The following BBOF1 variants were observed in gnomAD, a reference collection of about 807,000 sequenced individuals.
BBOF1 encodes the protein basal body-orientation factor 1.
Under a neutral mutation model 68.0 loss-of-function variants are expected in BBOF1, and 62 were observed. The ratio of observed to expected loss-of-function variants is 0.91; its 90% confidence interval spans 0.74 to 1.13. BBOF1 has a LOEUF of 1.13. Ranked by LOEUF, BBOF1 falls within the 50% of genes most tolerant of loss-of-function variation. The probability of loss-of-function intolerance (pLI) is 0.00; values close to 1 mark genes in which losing one functional copy is unlikely to be tolerated. For synonymous variants in BBOF1, 208 were observed against 198.8 expected (o/e 1.05, Z -0.39); for missense variants, 534 against 600.1 (o/e 0.89, Z 1.15).
downstream of BBOF1, among the ~76,000 whole-genome samples, chr14:74,069,815 A>C (rs1487636168): frequency 2.2e-5 from 3 of 139,518 alleles, no homozygotes; most frequent in Non-Finnish European, 3.1e-5. Context: ...GATTTTTCTC[A>C]TTTGCTATTC....
Position 74,072,077 on chromosome 14 carries a change from G to T in BBOF1, n.1380-6119G>T, listed in dbSNP as rs892300864. 19 of 1,563,482 alleles carry T rather than the reference G, an allele frequency of 1.2e-5. No homozygotes were observed. The South Asian group carries it at 2.1e-4, about 17-fold the overall frequency. ...AGACTGGAGGAGATGCAGTACAAGG[G>T]AGAGAGTCATGATCAACGTCTCTGC... On this transcript the variant is annotated intron_variant and non_coding_transcript_variant, in intron 9 of 12. Transcript: ENST00000492026.
rs773289178 is a variant in BBOF1 at position 74,056,996 on chromosome 14, C to A, written c.1463+16C>A. The A allele has an allele frequency of 3.8e-5, 61 of 1,606,410 alleles. No individual in the cohort carries two copies. In the Admixed American group the frequency reaches 1.0e-3, roughly 27 times the overall value. ...AGGAATTTGGGTAAGAGCTCTCTTG[C>A]TTAAGTAATAAACATGAGCCCAACA... On this transcript the variant is annotated intron_variant, in intron 10 of 11. Transcript: ENST00000394009.
rs897020921 is a variant in BBOF1, at chr14:74,065,657, C to T, written c.*958C>T. 20 of 338,420 alleles carry T rather than the reference C, an allele frequency of 5.9e-5. No individual in the cohort carries two copies. The highest frequency in any genetic ancestry group is 1.9e-4 in the East Asian group (3 of 15,838). The allele number at this position is 338,420 out of a possible 1,614,324, so 21.0% of individuals were successfully genotyped here. On this transcript the variant is annotated 3_prime_UTR_variant, in exon 12 of 12. Transcript: ENST00000394009. ...ATCAGCTGCCTTTTTAATACCTGAA[C>T]GACTAGTTTCATCCAATTGTTATCA...
intron 8 of BBOF1, among the ~76,000 whole-genome samples, chr14:74,052,462 T>G (rs1164118135): frequency 6.6e-6 from 1 of 150,826 alleles, no homozygotes; most frequent in Non-Finnish European, 1.5e-5. Context: ...CTGGCCAAGT[T>G]GCTGAAACCC....
intron 8 of BBOF1, chr14:74,055,274 G>A (rs1273494679): frequency 3.1e-5 from 8 of 258,574 alleles, no homozygotes; most frequent in South Asian, 1.9e-4. Context: ...TCAGCCTCCC[G>A]AGTAGCTGGG....
At chr14:74,058,084 T>C in intron 11 of BBOF1, 1 of 214,816 alleles carries the variant, frequency 4.7e-6, no homozygotes, top group Non-Finnish European at 8.0e-6. Flanking sequence ...TCCCAGCACT[T>C]TGGGAGGCCG....
intron 1 of BBOF1, among the ~76,000 whole-genome samples, 184 bp downstream of exon 1, chr14:74,019,718 C>T (rs1163318648): frequency 6.6e-6 from 1 of 152,202 alleles, no homozygotes; most frequent in Non-Finnish European, 1.5e-5. Flanking sequence ...TTCAGATTAT[C>T]TTAAACGTGT....
chr14:74,039,218 T>G (rs1181717465), intron 4 of BBOF1, among the ~76,000 whole-genome samples: 2 of 152,212 alleles, frequency 1.3e-5, no homozygotes, highest in Non-Finnish European at 2.9e-5. Flanking sequence ...TTAACCTGAT[T>G]TTTCACTTTA....
intron 1 of BBOF1, among the ~76,000 whole-genome samples, chr14:74,020,131 T>C (rs2059233764): frequency 6.6e-6 from 1 of 152,214 alleles, no homozygotes; most frequent in Non-Finnish European, 1.5e-5. Flanking sequence ...TATCCAAAAA[T>C]AAACACTACT....
At chr14:74,046,025 G>T (rs780732509) in intron 5 of BBOF1, 35 bp from the exon 6 acceptor site, 42 of 1,555,344 alleles carry the variant, frequency 2.7e-5, no homozygotes, top group Non-Finnish European at 3.0e-5. Context: ...GTTGTTAGGG[G>T]CATAATTATT....
At chr14:74,022,479 C>T (rs1340360684) in intron 1 of BBOF1, among the ~76,000 whole-genome samples, 2 of 152,030 alleles carry the variant, frequency 1.3e-5, no homozygotes, top group African/African-American at 4.8e-5. Context: ...GCCCAAGAGG[C>T]AGAGGTTCTG....
At chr14:74,044,003 T>C (rs1355028418) in intron 5 of BBOF1, among the ~76,000 whole-genome samples, 1 of 151,460 alleles carries the variant, frequency 6.6e-6, no homozygotes, top group East Asian at 2.0e-4. Flanking sequence ...CCCAGCACTT[T>C]GGGAGGCCAA....
intron 9 of BBOF1, chr14:74,071,997 G>T (rs749438189): frequency 1.9e-6 from 3 of 1,608,998 alleles, no homozygotes; most frequent in Admixed American, 3.3e-5. Context: ...CACACAAATA[G>T]AAATTAATGC....
intron 9 of BBOF1, chr14:74,071,258 T>C (rs1489328481): frequency 6.2e-7 from 1 of 1,614,132 alleles, no homozygotes; most frequent in African/African-American, 1.3e-5. Context: ...TGGAGCAACT[T>C]AGCAAGAAGC....
chr14:74,057,971 T>C (rs2060256345), intron 11 of BBOF1: 1 of 876,240 alleles, frequency 1.1e-6, no homozygotes, highest in African/African-American at 1.8e-5. Context: ...TTAATTCCAC[T>C]TGGAATATAG....
At chr14:74,066,706 T>G, downstream of BBOF1, 3 of 1,614,008 alleles carry the variant, frequency 1.9e-6, no homozygotes, top group Non-Finnish European at 2.5e-6. Flanking sequence ...GTTGTTCACC[T>G]TGACATTCGA....
At chr14:74,047,897 G>C in intron 6 of BBOF1, 33 bp from the exon 7 acceptor site, 1 of 1,562,196 alleles carries the variant, frequency 6.4e-7, no homozygotes, top group Admixed American at 2.1e-5. Context: ...CTAAAAGTTA[G>C]ACCTGTGTTT....
chr14:74,054,300 G>C (rs946409437), intron 8 of BBOF1, among the ~76,000 whole-genome samples: 1 of 151,780 alleles, frequency 6.6e-6, no homozygotes, highest in African/African-American at 2.4e-5. Flanking sequence ...GTGAGCCACC[G>C]CACCTGGCCT....
intron 9 of BBOF1, among the ~76,000 whole-genome samples, chr14:74,077,664 T>C (rs1456914702): frequency 6.6e-6 from 1 of 152,180 alleles, no homozygotes; most frequent in African/African-American, 2.4e-5. Context: ...AAGCCATTCA[T>C]GAGGGATCCA....
Sources: gnomAD v4.1 joint callset for allele counts (sites outside exome capture counted in the v4.1 genomes callset) on GRCh38, gnomAD v4.1.1 for gene constraint, MANE v1.5 for transcripts, NCBI Gene and HGNC (gene_info 2026-07-23, HGNC 2026-07-21) for gene names.